RUNX1: variants seen among roughly 807,000 people sequenced by gnomAD.
RUNX1 encodes the protein runt-related transcription factor 1.
A neutral mutation model predicts 42.8 loss-of-function variants in RUNX1; 19 were observed. The observed-to-expected ratio is 0.44, with a 90% CI of 0.31 to 0.65. RUNX1 has a LOEUF of 0.65. RUNX1 is among the 30% of genes least tolerant of loss of function. The probability of loss-of-function intolerance (pLI) is 0.07; values close to 1 mark genes in which losing one functional copy is unlikely to be tolerated. For synonymous variants in RUNX1, 271 were observed against 289.4 expected, an observed-to-expected ratio of 0.94 and a Z score of 0.64; for missense variants, 528 against 672.0, an observed-to-expected ratio of 0.79 and a Z score of 2.37.
At chr21:34,827,597 T>C (rs2057006522) in intron 7 of RUNX1, among the ~76,000 whole-genome samples, 1 of 152,112 alleles carries the variant, frequency 6.6e-6, no homozygotes, top group African/African-American at 2.4e-5. Context: ...TCTAGGAGGG[T>C]AGAATGATTT....
At position 34,945,945 on chromosome 21, in the gene RUNX1, C is replaced by T. The variant is rs375971386; in HGVS notation, c.59-52982G>A. On this transcript the variant is annotated intron_variant, in intron 2 of 8. Transcript: ENST00000675419. ...GGAACTCAACATATCCCAAAGCAAA[C>T]TCATTGACTGCTTCTCACCAAGGAT... is the stretch of plus-strand genomic sequence containing the variant. Among the ~76,000 whole-genome samples the T allele has an allele frequency of 2.0e-5, 3 of 152,226 alleles. No homozygotes were observed. The East Asian group carries it at 5.8e-4, about 29-fold the overall frequency.
intron 7 of RUNX1, among the ~76,000 whole-genome samples, chr21:34,827,824 GA>G (rs2057010229): frequency 1.3e-5 from 2 of 152,224 alleles, no homozygotes; most frequent in South Asian, 4.1e-4. Flanking sequence ...ACATGCTGTG[GA>G]AGCATGGCTT....
rs2057322976 is a variant in RUNX1, at chr21:34,846,751, T to TCTTTCA, written c.614-12151_614-12150insTGAAAG. Reference sequence around the variant, plus strand: ...CCAGCCCTCAAGACTCAAATTTCAGTGGTTTCCAGTTCTTTCTCCCTGCAC... The same window carrying TCTTTCA: ...CCAGCCCTCAAGACTCAAATTTCAGTCTTTCAGGTTTCCAGTTCTTTCTCCCTGCAC... On this transcript the variant is annotated intron_variant, in intron 6 of 8. Coordinates refer to ENST00000675419, the MANE Select transcript of RUNX1 (RefSeq NM_001754.5). Among the ~76,000 whole-genome samples the TCTTTCA allele has an allele frequency of 1.3e-5, 2 of 152,116 alleles. 1 individual carries two copies. The highest frequency in any genetic ancestry group is 4.2e-4 in the South Asian group (2 of 4,814).
intron 7 of RUNX1, among the ~76,000 whole-genome samples, chr21:34,813,496 G>C (rs2056784749): frequency 6.6e-6 from 1 of 152,070 alleles, no homozygotes; most frequent in Non-Finnish European, 1.5e-5. Context: ...TGAGAATCCT[G>C]GGTGGCTGCA....
chr21:34,882,234 T>G (rs773202788), intron 4 of RUNX1, among the ~76,000 whole-genome samples: 3 of 152,236 alleles, frequency 2.0e-5, no homozygotes, highest in Non-Finnish European at 2.9e-5. Flanking sequence ...ATTTTCATGA[T>G]CTGCTTAGCC....
intron 2 of RUNX1, among the ~76,000 whole-genome samples, chr21:34,961,069 A>C (rs1194980717): frequency 1.3e-5 from 2 of 152,202 alleles, no homozygotes; most frequent in African/African-American, 2.4e-5. Flanking sequence ...AAACCAAATA[A>C]ACTTTAAGAA....
chr21:34,950,552 AAC>A (rs1420510237), intron 2 of RUNX1, among the ~76,000 whole-genome samples: 1 of 152,212 alleles, frequency 6.6e-6, no homozygotes. Context: ...CAGCCCGGCC[AAC>A]ACGGCAAAAC....
At chr21:34,799,136 GTAT>G (rs2056572087) in intron 8 of RUNX1, among the ~76,000 whole-genome samples, 162 bp downstream of exon 8, 1 of 152,182 alleles carries the variant, frequency 6.6e-6, no homozygotes, top group Non-Finnish European at 1.5e-5. Context: ...TGCCTCTTAT[GTAT>G]CCAAGAAAAT....
At chr21:35,047,551 A>C (rs867095428) in intron 2 of RUNX1, among the ~76,000 whole-genome samples, 1 of 95,418 alleles carries the variant, frequency 1.0e-5, no homozygotes, top group Admixed American at 1.0e-4. Flanking sequence ...ACACACACAC[A>C]CACACACACA....
chr21:34,887,434 T>C, intron 3 of RUNX1: 1 of 1,309,584 alleles, frequency 7.6e-7, no homozygotes. Context: ...TGTCTTTGGC[T>C]GTTAGAAAAG....
At chr21:34,983,384 C>G (rs573235716) in intron 2 of RUNX1, among the ~76,000 whole-genome samples, 1 of 152,296 alleles carries the variant, frequency 6.6e-6, no homozygotes, top group Admixed American at 6.5e-5. Flanking sequence ...TTTACTACCC[C>G]TACTAATAAC....
At chr21:34,936,563 G>A (rs960290095) in intron 2 of RUNX1, among the ~76,000 whole-genome samples, 1 of 152,184 alleles carries the variant, frequency 6.6e-6, no homozygotes, top group Admixed American at 6.5e-5. Flanking sequence ...GTAAATGTAC[G>A]AGGCTGCTAC....
chr21:34,979,295 G>A (rs960918153), intron 2 of RUNX1, among the ~76,000 whole-genome samples: 4 of 151,674 alleles, frequency 2.6e-5, no homozygotes, highest in Admixed American at 2.0e-4. Flanking sequence ...ATCCTCATAA[G>A]TCTTTCTTAT....
intron 2 of RUNX1, among the ~76,000 whole-genome samples, chr21:34,950,873 A>G (rs1020032041): frequency 6.6e-6 from 1 of 152,244 alleles, no homozygotes; most frequent in Non-Finnish European, 1.5e-5. Flanking sequence ...GCTAACTTCC[A>G]GCGTGGTTTA....
chr21:34,920,697 G>GTT (rs1321217296), intron 2 of RUNX1, among the ~76,000 whole-genome samples: 2 of 152,092 alleles, frequency 1.3e-5, no homozygotes, highest in Non-Finnish European at 2.9e-5. Flanking sequence ...ATGTTGAGAA[G>GTT]TTATATATAC....
chr21:35,005,431 A>G (rs576612172), intron 2 of RUNX1, among the ~76,000 whole-genome samples: 120 of 152,268 alleles, frequency 7.9e-4, no homozygotes, highest in African/African-American at 2.8e-3. Flanking sequence ...GCCCCACCCC[A>G]TACCCCACGA....
At chr21:35,022,236 G>A (rs1490416963) in intron 2 of RUNX1, among the ~76,000 whole-genome samples, 1 of 152,292 alleles carries the variant, frequency 6.6e-6, no homozygotes, top group Non-Finnish European at 1.5e-5. Flanking sequence ...GACGAAAGAG[G>A]GTGGAAGCGT....
chr21:34,810,544 G>A (rs188740411), intron 7 of RUNX1, among the ~76,000 whole-genome samples: 1 of 152,188 alleles, frequency 6.6e-6, no homozygotes, highest in Admixed American at 6.5e-5. Context: ...GCTTCAGTAA[G>A]GATACAATAA....
chr21:34,955,486 C>T (rs1484541982), intron 2 of RUNX1, among the ~76,000 whole-genome samples: 1 of 152,144 alleles, frequency 6.6e-6, no homozygotes, highest in Non-Finnish European at 1.5e-5. Flanking sequence ...TACTCTTTCT[C>T]AGGATTATAA....
Sources: gnomAD v4.1 joint callset for allele counts (sites outside exome capture counted in the v4.1 genomes callset) on GRCh38, gnomAD v4.1.1 for gene constraint, MANE v1.5 for transcripts, NCBI Gene and HGNC (gene_info 2026-07-23, HGNC 2026-07-21) for gene names.